DCC: variants seen among roughly 807,000 people sequenced by gnomAD.
DCC encodes the protein DCC netrin 1 receptor.
DCC carries 58 observed loss-of-function variants against 172.5 expected under a neutral mutation model. The ratio of observed to expected loss-of-function variants is 0.34; its 90% CI spans 0.27 to 0.42. The LOEUF is 0.42. DCC is among the 10% of genes least tolerant of loss of function. The pLI is 1.00. For synonymous variants in DCC, 709 were observed against 644.5 expected (o/e 1.10, Z -1.52); for missense variants, 1,740 against 1,791.0 (o/e 0.97, Z 0.51).
intron 22 of DCC, among the ~76,000 whole-genome samples, chr18:53,438,373 C>G (rs756661491): frequency 1.3e-4 from 20 of 152,178 alleles, no homozygotes; most frequent in Non-Finnish European, 2.6e-4. Context: ...CTCTCTTAAA[C>G]TGCATGTCCA....
intron 1 of DCC, among the ~76,000 whole-genome samples, chr18:52,347,651 G>T (rs1983936343): frequency 6.6e-6 from 1 of 152,108 alleles, no homozygotes; most frequent in South Asian, 2.1e-4. Flanking sequence ...TGTTGGGGTT[G>T]TGTTTAAAGT....
At chr18:52,728,786 T>C (rs1287947917) in intron 1 of DCC, among the ~76,000 whole-genome samples, 3 of 152,178 alleles carry the variant, frequency 2.0e-5, no homozygotes, top group Non-Finnish European at 4.4e-5. Context: ...CCATAGCCAA[T>C]AGTTGACAGT....
intron 15 of DCC, among the ~76,000 whole-genome samples, chr18:53,372,503 T>A (rs931234701): frequency 1.3e-5 from 2 of 151,894 alleles, no homozygotes; most frequent in Non-Finnish European, 2.9e-5. Flanking sequence ...AAATACCCAT[T>A]GAGTACTATG....
chr18:52,703,300 T>C (rs753176197), intron 1 of DCC, among the ~76,000 whole-genome samples: 1 of 152,204 alleles, frequency 6.6e-6, no homozygotes, highest in Non-Finnish European at 1.5e-5. Context: ...CTTTCCTTCT[T>C]GGACGGAAAA....
At chr18:52,819,959 A>T (rs2038375484) in intron 2 of DCC, among the ~76,000 whole-genome samples, 1 of 152,012 alleles carries the variant, frequency 6.6e-6, no homozygotes, top group Admixed American at 6.6e-5. Context: ...TGACCTCGTG[A>T]TCCACCTGCC....
intron 1 of DCC, among the ~76,000 whole-genome samples, chr18:52,448,458 TAG>T (rs1467717639): frequency 2.6e-5 from 4 of 151,470 alleles, no homozygotes; most frequent in Non-Finnish European, 5.9e-5. Flanking sequence ...GATAAATTTA[TAG>T]AGTTTTTTTT....
chr18:53,194,882 C>T lies in DCC; in HGVS notation c.1574-10334C>T, dbSNP rs546764977. Among the ~76,000 whole-genome samples the T allele has an allele frequency of 2.6e-5, 4 of 152,294 alleles. No homozygotes were observed. In the South Asian group the frequency reaches 8.3e-4, roughly 32 times the overall value. On this transcript the variant is annotated intron_variant, in intron 9 of 28. Coordinates refer to ENST00000442544, the MANE Select transcript of DCC (RefSeq NM_005215.4). ...TTTGCATACATAATCTCTTCATGTT[C>T]TTCTAACAATACTGACAGTTAAGAA...
intron 2 of DCC, among the ~76,000 whole-genome samples, chr18:52,875,460 T>C (rs12968228): frequency 0.34 from 52,160 of 152,024 alleles, 10,535 homozygotes; most frequent in Non-Finnish European, 0.47. Context: ...ACACTGAACA[T>C]AATGTTCTGT....
intron 24 of DCC, among the ~76,000 whole-genome samples, chr18:53,467,180 ATT>A (rs2045632452): frequency 6.6e-6 from 1 of 152,028 alleles, no homozygotes; most frequent in African/African-American, 2.4e-5. Flanking sequence ...ATATATATAT[ATT>A]CATATACACA....
chr18:52,939,652 T>G (rs185457082), intron 5 of DCC, among the ~76,000 whole-genome samples: 30 of 152,284 alleles, frequency 2.0e-4, no homozygotes, highest in Admixed American at 1.6e-3. Flanking sequence ...CTCAATATAT[T>G]ATGGAGATAC....
intron 7 of DCC, among the ~76,000 whole-genome samples, chr18:53,149,031 TTTTG>T (rs928755129): frequency 4.6e-5 from 7 of 151,672 alleles, no homozygotes; most frequent in African/African-American, 1.7e-4. Flanking sequence ...CCCGGCTAGT[TTTTG>T]TATTTTTAGT....
chr18:52,676,907 A>C (rs2035655006), intron 1 of DCC, among the ~76,000 whole-genome samples: 1 of 152,108 alleles, frequency 6.6e-6, no homozygotes, highest in African/African-American at 2.4e-5. Context: ...GGGGGTTATA[A>C]ATTTTATCTT....
intron 2 of DCC, among the ~76,000 whole-genome samples, chr18:52,777,911 C>T (rs2037462939): frequency 6.6e-6 from 1 of 152,076 alleles, no homozygotes; most frequent in South Asian, 2.1e-4. Flanking sequence ...GAGCTAAAAG[C>T]AGTGGACAAG....
intron 22 of DCC, among the ~76,000 whole-genome samples, chr18:53,442,270 C>T (rs755822259): frequency 5.3e-5 from 8 of 152,202 alleles, no homozygotes; most frequent in African/African-American, 9.6e-5. Flanking sequence ...CTATTGGCAA[C>T]ATTTTTCTAA....
rs1489108278 is a variant in DCC, at chr18:53,086,272, TTCCTTTCTTC to T, written c.1261+20108_1261+20117del. Among the ~76,000 whole-genome samples the T allele has an allele frequency of 6.0e-4, 28 of 46,816 alleles. 11 individuals are homozygous for T. The highest frequency in any genetic ancestry group is 1.0e-3 in the Non-Finnish European group (26 of 25,942). 30.7% of individuals were successfully genotyped at this position (46,816 alleles called of 152,430 possible). On this transcript the variant is annotated intron_variant, in intron 7 of 28. Coordinates refer to ENST00000442544, the MANE Select transcript of DCC (RefSeq NM_005215.4). ...TCCTTTCTTCTTCTTCTTCTTCTTC[TTCCTTTCTTC>T]TTCTTCTTCTTCTTCCTTTCTTCTT... is the stretch of plus-strand genomic sequence containing the variant.
Position 53,129,676 on chromosome 18 carries a change from T to G in DCC, c.1262-27680T>G, listed in dbSNP as rs558696423. Among the ~76,000 whole-genome samples the G allele has an allele frequency of 3.9e-5, 6 of 152,266 alleles. No individual in the cohort carries two copies. The South Asian group carries it at 1.2e-3, about 32-fold the overall frequency. ...TACCAATACTTCATTCTTATTTTTT[T>G]GCTGAGTAGTATTCAATTACATAGG... On this transcript the variant is annotated intron_variant, in intron 7 of 28. Coordinates refer to ENST00000442544, the MANE Select transcript of DCC (RefSeq NM_005215.4).
intron 2 of DCC, among the ~76,000 whole-genome samples, chr18:52,866,296 C>T (rs1264711634): frequency 6.6e-6 from 1 of 152,134 alleles, no homozygotes; most frequent in Non-Finnish European, 1.5e-5. Context: ...TTACTGTAGC[C>T]TTACAGGATA....
At chr18:52,665,037 A>G (rs373008921) in intron 1 of DCC, among the ~76,000 whole-genome samples, 64 of 152,334 alleles carry the variant, frequency 4.2e-4, no homozygotes, top group African/African-American at 1.5e-3. Context: ...TTGGGACATG[A>G]CTGCAGAATA....
chr18:52,448,692 C>A (rs1187688768), intron 1 of DCC, among the ~76,000 whole-genome samples: 1 of 152,114 alleles, frequency 6.6e-6, no homozygotes, highest in Non-Finnish European at 1.5e-5. Context: ...AGTCTGGTAA[C>A]AGTAGAATTG....
Sources: allele counts gnomAD v4.1 joint callset (sites outside exome capture counted in the v4.1 genomes callset), GRCh38; gene constraint gnomAD v4.1.1; transcripts MANE v1.5; gene names NCBI Gene and HGNC (gene_info 2026-07-23, HGNC 2026-07-21).